The following CCDC102B variants were observed in gnomAD, a reference collection of about 807,000 sequenced individuals.
The protein encoded by CCDC102B is coiled-coil domain containing 102B.
Under a neutral mutation model 57.4 loss-of-function variants are expected in CCDC102B, and 75 were observed. The observed-to-expected ratio is 1.31, with a 90% CI of 1.08 to 1.58. The LOEUF is 1.58. CCDC102B is among the 40% of genes most tolerant of loss of function. The pLI is 0.00. For missense variants in CCDC102B, 636 were observed against 582.6 expected (o/e 1.09, Z -0.94); for synonymous variants, 206 against 201.9 (o/e 1.02, Z -0.17).
intron 4 of CCDC102B, among the ~76,000 whole-genome samples, chr18:68,865,320 T>C (rs2144895810): frequency 6.6e-6 from 1 of 152,230 alleles, no homozygotes; most frequent in Non-Finnish European, 1.5e-5. Flanking sequence ...GTAGATTTTC[T>C]TAACCTACTT....
chr18:69,011,057 T>C lies in CCDC102B; in HGVS notation c.1387T>C (p.Leu463=), dbSNP rs764024088. ...QNEAEVKKLR[L]RVEELKQGLN... ...TGAAGCAGAAGTAAAGAAACTAAGA[T>C]TACGAGTGGAAGAACTAAAGCAGGG... Residue 463 remains leucine, a synonymous_variant, in exon 7 of 8, where the codon TTA becomes CTA. Transcript: ENST00000360242. 6.1e-5 allele frequency: 99 copies of C among 1,613,710 alleles called. No homozygotes were observed. The East Asian group carries it at 1.5e-3, about 24-fold the overall frequency.
At chr18:68,996,524 A>G (rs2051033246) in intron 6 of CCDC102B, among the ~76,000 whole-genome samples, 2 of 152,136 alleles carry the variant, frequency 1.3e-5, no homozygotes, top group Non-Finnish European at 2.9e-5. Flanking sequence ...CATCTATCCT[A>G]TTAGTTCTGT....
intron 2 of CCDC102B, among the ~76,000 whole-genome samples, chr18:68,722,576 CAAGAAAGTA>C (rs1266675214): frequency 6.6e-6 from 1 of 151,944 alleles, no homozygotes; most frequent in Non-Finnish European, 1.5e-5. Context: ...GGGTTTTATA[CAAGAAAGTA>C]AATTTAAAAA....
chr18:68,800,694 T>C (rs1473870228), intron 1 of CCDC102B, among the ~76,000 whole-genome samples: 8 of 152,112 alleles, frequency 5.3e-5, no homozygotes, highest in Non-Finnish European at 1.0e-4. Context: ...ATACATGGTA[T>C]CAACGAACAC....
At position 68,874,784 on chromosome 18, in the gene CCDC102B, AG is replaced by A; in HGVS notation, c.1053+1del. The A allele has an allele frequency of 6.4e-7, 1 of 1,554,670 alleles. No individual in the cohort carries two copies. Among genetic ancestry groups the A allele is most frequent in the Non-Finnish European group, 8.9e-7 (1 of 1,126,762 alleles). ...KDRVICELRAELERLQAENTS... is the reference protein window; with the variant it reads ...KDRVICELRAXLERLQAENTS... ...AGAGTGATTTGTGAGTTAAGAGCAG[AG>A]GTAAGACACTGGGTAAAGAGTACCA... is the stretch of plus-strand genomic sequence containing the variant. On this transcript the variant is annotated frameshift_variant and splice_region_variant, in exon 5 of 8. Coordinates refer to ENST00000360242, the MANE Select transcript of CCDC102B (RefSeq NM_024781.3). LOFTEE classifies it high-confidence loss of function.
chr18:68,983,454 A>T (rs2050646117), intron 6 of CCDC102B, among the ~76,000 whole-genome samples: 1 of 151,960 alleles, frequency 6.6e-6, no homozygotes. Context: ...TATAAAATTC[A>T]CACAACATTT....
chr18:68,789,365 G>A (rs2035340242), intron 2 of CCDC102B, among the ~76,000 whole-genome samples: 1 of 152,056 alleles, frequency 6.6e-6, no homozygotes, highest in South Asian at 2.1e-4. Context: ...TCCTGAATCT[G>A]AACGTTGGCC....
Position 68,838,810 on chromosome 18 carries a change from G to C in CCDC102B, c.711G>C (p.Thr237=). The part of the protein sequence containing the change: ...FNNGGSGNGE[T]KTGLRLKAIN... Reference sequence around the variant, plus strand: ...ATGGTGGTTCTGGAAACGGTGAAACGAAAACTGGGCTGAGACTGAAAGCAA... The same window carrying C: ...ATGGTGGTTCTGGAAACGGTGAAACCAAAACTGGGCTGAGACTGAAAGCAA... Residue 237 remains threonine, a synonymous_variant, in exon 3 of 8, where the codon ACG becomes ACC. Transcript: ENST00000360242. 1 of 1,613,956 alleles carries C rather than the reference G, an allele frequency of 6.2e-7. No individual in the cohort carries two copies. The highest frequency in any genetic ancestry group is 8.5e-7 in the Non-Finnish European group (1 of 1,179,944).
intron 2 of CCDC102B, among the ~76,000 whole-genome samples, chr18:68,763,756 TCAATACA>T (rs2034331884): frequency 6.6e-6 from 1 of 150,934 alleles, no homozygotes; most frequent in Non-Finnish European, 1.5e-5. Context: ...CAAATATTCC[TCAATACA>T]GACAAATATT....
At chr18:68,780,769 A>G (rs915700936) in intron 2 of CCDC102B, among the ~76,000 whole-genome samples, 1 of 152,074 alleles carries the variant, frequency 6.6e-6, no homozygotes, top group Non-Finnish European at 1.5e-5. Context: ...TACTTGGATC[A>G]GAAACATTTT....
intron 7 of CCDC102B, among the ~76,000 whole-genome samples, chr18:69,022,917 G>A (rs75087534): frequency 0.11 from 16,604 of 151,434 alleles, 1,184 homozygotes; most frequent in Non-Finnish European, 0.16. Flanking sequence ...GAGAGATGGC[G>A]GGCTCTCCTG....
At chr18:68,732,577 C>T (rs977341378) in intron 2 of CCDC102B, among the ~76,000 whole-genome samples, 1 of 151,894 alleles carries the variant, frequency 6.6e-6, no homozygotes, top group East Asian at 1.9e-4. Flanking sequence ...GAACTCCTGA[C>T]CTCAGGCGAT....
rs1170378975 is a variant in CCDC102B, at chr18:68,765,284, AAAAG to A, written c.-67+48699_-67+48702del. ...AGGAAGGAGAGAAAGAGAAAGAAAGAAAAGAAAGAAAGGAAGGAAGGAAGGAAGG... is the reference window on the plus strand; with the variant it reads ...AGGAAGGAGAGAAAGAGAAAGAAAGAAAAGAAAGGAAGGAAGGAAGGAAGG... On this transcript the variant is annotated intron_variant, in intron 2 of 3. Transcript: ENST00000578970. Among the ~76,000 whole-genome samples, 461 of 142,908 alleles carry A rather than the reference AAAAG, an allele frequency of 3.2e-3. 2 individuals carry two copies. The highest frequency in any genetic ancestry group is 7.0e-3 in the Middle Eastern group (2 of 284). 93.8% of individuals were successfully genotyped at this position (142,908 alleles called of 152,430 possible).
intron 4 of CCDC102B, among the ~76,000 whole-genome samples, chr18:68,873,859 A>G (rs1304601737): frequency 6.6e-6 from 1 of 151,738 alleles, no homozygotes. Context: ...CATAGCTTAA[A>G]ATATATGTCA....
intron 2 of CCDC102B, chr18:68,721,560 A>T (rs1011836002): frequency 2.0e-5 from 3 of 152,180 alleles, no homozygotes; most frequent in African/African-American, 7.2e-5. Flanking sequence ...TTCCTGACTC[A>T]TTTTTTGCTA....
intron 7 of CCDC102B, among the ~76,000 whole-genome samples, chr18:69,044,864 T>C (rs2052520556): frequency 6.6e-6 from 1 of 152,148 alleles, no homozygotes; most frequent in South Asian, 2.1e-4. Context: ...ACAAATTGAG[T>C]AGCTTAAACA....
At chr18:68,939,743 T>C (rs1177815934) in intron 6 of CCDC102B, among the ~76,000 whole-genome samples, 1 of 151,844 alleles carries the variant, frequency 6.6e-6, no homozygotes, top group East Asian at 1.9e-4. Context: ...GTCTCCTCAT[T>C]CTGCTTTTTA....
At chr18:68,939,668 G>T (rs532692017) in intron 6 of CCDC102B, among the ~76,000 whole-genome samples, 2 of 151,882 alleles carry the variant, frequency 1.3e-5, no homozygotes, top group Non-Finnish European at 3.0e-5. Context: ...GTCGCAGAAG[G>T]TTGCAATAGA....
At chr18:68,844,992 C>G (rs1183017888) in intron 3 of CCDC102B, among the ~76,000 whole-genome samples, 2 of 151,838 alleles carry the variant, frequency 1.3e-5, no homozygotes, top group Non-Finnish European at 3.0e-5. Flanking sequence ...GGATCAGAGT[C>G]CTATAAGTGG....
Sources: gnomAD v4.1 joint callset for allele counts (sites outside exome capture counted in the v4.1 genomes callset) on GRCh38, gnomAD v4.1.1 for gene constraint, MANE v1.5 for transcripts, NCBI Gene and HGNC (gene_info 2026-07-23, HGNC 2026-07-21) for gene names.